DCAF12: variants seen among roughly 807,000 people sequenced by gnomAD.
DCAF12 encodes the protein DDB1- and CUL4-associated factor 12.
A neutral mutation model predicts 52.8 loss-of-function variants in DCAF12; 28 were observed. The ratio of observed to expected loss-of-function variants is 0.53; its 90% CI spans 0.39 to 0.73. DCAF12 has a LOEUF of 0.73. Ranked by LOEUF, DCAF12 falls within the 30% of genes least tolerant of loss-of-function variation. DCAF12 has a pLI of 0.00. For synonymous variants in DCAF12, 196 were observed against 215.5 expected (o/e 0.91, Z 0.79); for missense variants, 425 against 552.2 (o/e 0.77, Z 2.31).
chr9:34,089,019 G>A (rs1237263232), intron 8 of DCAF12, among the ~76,000 whole-genome samples: 1 of 151,350 alleles, frequency 6.6e-6, no homozygotes, highest in African/African-American at 2.4e-5. Flanking sequence ...TGAGGCAGGA[G>A]GACTGCTTGA....
At chr9:34,100,928 C>T (rs1828818749) in intron 4 of DCAF12, among the ~76,000 whole-genome samples, 1 of 151,834 alleles carries the variant, frequency 6.6e-6, no homozygotes, top group Admixed American at 6.6e-5. Flanking sequence ...CATGAGCCAC[C>T]ATACCCAGAC....
intron 3 of DCAF12, 32 bp from the exon 4 acceptor site, chr9:34,106,526 G>A (rs781554437): frequency 6.4e-7 from 1 of 1,556,012 alleles, no homozygotes; most frequent in Non-Finnish European, 8.8e-7. Flanking sequence ...GGTACAGGGA[G>A]GAAAATAAGA....
Position 34,093,428 on chromosome 9 carries a change from T to C in DCAF12, c.882A>G (p.Pro294=), listed in dbSNP as rs368341031. Residue 294 remains proline (P), a synonymous_variant, in exon 7 of 9, where the codon CCA becomes CCG. Coordinates refer to ENST00000361264, the MANE Select transcript of DCAF12 (RefSeq NM_015397.4). ...CCAGACACACATTCTCACGGCAATA[T>C]GGCAGTTTGGTGGAGAGGAGCTGAA... ...TLSKLLSTKL[P]YCRENVCLAY... 10 of 1,614,160 alleles carry C rather than the reference T, an allele frequency of 6.2e-6. No individual in the cohort carries two copies. The highest frequency in any genetic ancestry group is 7.6e-6 in the Non-Finnish European group (9 of 1,180,028).
intron 2 of DCAF12, 126 bp downstream of exon 2, chr9:34,124,897 A>G: frequency 1.6e-6 from 2 of 1,227,102 alleles, no homozygotes; most frequent in African/African-American, 1.5e-5. Context: ...ACGGGAAAGA[A>G]TGGAAAGGAG....
At chr9:34,094,392 T>TGA (rs1269145023) in intron 6 of DCAF12, among the ~76,000 whole-genome samples, 1 of 151,686 alleles carries the variant, frequency 6.6e-6, no homozygotes, top group African/African-American at 2.4e-5. Context: ...GGCAACAAAG[T>TGA]GAGACTCTGT....
intron 2 of DCAF12, among the ~76,000 whole-genome samples, chr9:34,121,637 C>G (rs182176641): frequency 1.7e-3 from 257 of 152,188 alleles, no homozygotes; most frequent in Non-Finnish European, 2.9e-3. Flanking sequence ...CACCCCACCC[C>G]CAGCCCCTTC....
intron 1 of DCAF12, 109 bp from the exon 2 acceptor site, chr9:34,125,386 C>A: frequency 3.2e-6 from 4 of 1,257,770 alleles, no homozygotes; most frequent in Non-Finnish European, 4.5e-6. Context: ...AATTTACAAA[C>A]AACACAAATA....
intron 3 of DCAF12, 32 bp from the exon 4 acceptor site, chr9:34,106,526 G>T (rs781554437): frequency 7.1e-6 from 11 of 1,556,014 alleles, no homozygotes; most frequent in Non-Finnish European, 8.0e-6. Flanking sequence ...GGTACAGGGA[G>T]GAAAATAAGA....
At chr9:34,088,582 A>G in intron 8 of DCAF12, 74 bp from the exon 9 acceptor site, 1 of 1,548,566 alleles carries the variant, frequency 6.5e-7, no homozygotes, top group Admixed American at 1.7e-5. Flanking sequence ...AGGGACAGGA[A>G]TGCTTTCTGG....
chr9:34,120,554 C>A (rs1168472694), intron 2 of DCAF12, among the ~76,000 whole-genome samples: 1 of 151,262 alleles, frequency 6.6e-6, no homozygotes, highest in Non-Finnish European at 1.5e-5. Context: ...GCCTGTAGTC[C>A]CAGCTAGTCG....
chr9:34,088,513 G>T lies in DCAF12; in HGVS notation c.1204-5C>A, dbSNP rs747447158. 12 of 1,613,890 alleles carry T rather than the reference G, an allele frequency of 7.4e-6. No individual in the cohort carries two copies. The highest frequency in any genetic ancestry group is 1.0e-5 in the Non-Finnish European group (12 of 1,179,954). On this transcript the variant is annotated splice_region_variant and splice_polypyrimidine_tract_variant and intron_variant, in intron 8 of 8. Transcript: ENST00000361264. Reference sequence around the variant, plus strand: ...CCTCCAGGTTTCATCATGATTCTACGGGAAGAGAAAGAGACTACAATTAGC... The same window carrying T: ...CCTCCAGGTTTCATCATGATTCTACTGGAAGAGAAAGAGACTACAATTAGC...
intron 2 of DCAF12, among the ~76,000 whole-genome samples, chr9:34,112,507 T>C (rs1466241070): frequency 2.0e-5 from 3 of 151,196 alleles, no homozygotes; most frequent in Non-Finnish European, 4.4e-5. Context: ...GGCAGGAGAA[T>C]TGCTTGGACC....
Position 34,126,458 on chromosome 9 carries a change from A to G in DCAF12, c.-27T>C. 1 of 1,598,770 alleles carries G rather than the reference A, an allele frequency of 6.3e-7. No individual in the cohort carries two copies. The highest frequency in any genetic ancestry group is 8.5e-7 in the Non-Finnish European group (1 of 1,177,680). Reference sequence around the variant, plus strand: ...GTGGGCAGCGCCGCCGCGGCCCCGCAGCCACATGGGGCGGGGGAAGCGAAG... The same window carrying G: ...GTGGGCAGCGCCGCCGCGGCCCCGCGGCCACATGGGGCGGGGGAAGCGAAG... On this transcript the variant is annotated 5_prime_UTR_variant, in exon 1 of 9. Transcript: ENST00000361264.
intron 4 of DCAF12, among the ~76,000 whole-genome samples, chr9:34,105,894 G>A (rs1206020482): frequency 6.7e-6 from 1 of 150,372 alleles, no homozygotes; most frequent in African/African-American, 2.5e-5. Flanking sequence ...GACTACAAGC[G>A]CCCACGACCA....
In DCAF12 at chr9:34,093,593, C is replaced by G. The variant is rs1828684414; in HGVS notation, c.862-145G>C. The G allele has an allele frequency of 5.0e-6, 4 of 804,138 alleles. No individual in the cohort carries two copies. In the African/African-American group the frequency reaches 6.9e-5, roughly 14 times the overall value. The allele number at this position is 804,138 out of a possible 1,614,324, so 49.8% of individuals were successfully genotyped here. A position where few individuals can be genotyped will look rare whatever the true frequency, so the allele number is the denominator to read the frequency against. On this transcript the variant is annotated intron_variant, in intron 6 of 8. Coordinates refer to ENST00000361264, the MANE Select transcript of DCAF12 (RefSeq NM_015397.4). ...TGATTACAGAAATAACACTCTGTTCCACCCCTAGGTATACAGGAGAAAGAG... is the reference window on the plus strand; with the variant it reads ...TGATTACAGAAATAACACTCTGTTCGACCCCTAGGTATACAGGAGAAAGAG...
chr9:34,113,450 G>A (rs1332171195), intron 2 of DCAF12, among the ~76,000 whole-genome samples: 3 of 151,708 alleles, frequency 2.0e-5, no homozygotes, highest in Non-Finnish European at 4.4e-5. Context: ...AGTGATTCTC[G>A]TGCCTCAGCC....
chr9:34,093,560 T>C, intron 6 of DCAF12, 112 bp from the exon 7 acceptor site: 1 of 1,179,268 alleles, frequency 8.5e-7, no homozygotes, highest in Non-Finnish European at 1.2e-6. Flanking sequence ...CCACATAAAA[T>C]CAAGCCCTGA....
chr9:34,109,332 G>A, intron 2 of DCAF12: 1 of 198,436 alleles, frequency 5.0e-6, no homozygotes, highest in Middle Eastern at 2.8e-3. Flanking sequence ...GCCAGAAAAT[G>A]GCTGTGAACT....
intron 6 of DCAF12, among the ~76,000 whole-genome samples, chr9:34,094,562 G>A (rs1319132508): frequency 7.2e-5 from 10 of 139,504 alleles, no homozygotes; most frequent in South Asian, 2.3e-4. Context: ...ACGGAGTCTC[G>A]CACTGTCGCC....
Sources: allele counts gnomAD v4.1 joint callset (sites outside exome capture counted in the v4.1 genomes callset), GRCh38; gene constraint gnomAD v4.1.1; transcripts MANE v1.5; gene names NCBI Gene and HGNC (gene_info 2026-07-23, HGNC 2026-07-21).